ARRDC4: variants seen among roughly 807,000 people sequenced by gnomAD.
The protein encoded by ARRDC4 is arrestin domain-containing protein 4.
A neutral mutation model predicts 44.6 loss-of-function variants in ARRDC4; 40 were observed. The observed-to-expected ratio is 0.90, with a 90% CI of 0.70 to 1.17. The LOEUF (loss-of-function observed/expected upper bound fraction) is 1.17, where lower values mean the gene tolerates loss of function less well. Among genes scored for constraint, ARRDC4 ranks in the 50% most tolerant of loss-of-function variants. ARRDC4 has a pLI of 0.00. For missense variants in ARRDC4, 550 were observed against 559.1 expected, an observed-to-expected ratio of 0.98 and a Z score of 0.16; for synonymous variants, 211 against 221.2, an observed-to-expected ratio of 0.95 and a Z score of 0.41.
rs760240015 is a variant in ARRDC4 at position 97,965,228 on chromosome 15, C to T, written c.308-372C>T. Among the ~76,000 whole-genome samples, 38 of 152,050 alleles carry T rather than the reference C, an allele frequency of 2.5e-4. No individual in the cohort carries two copies. The highest frequency in any genetic ancestry group is 4.7e-4 in the Non-Finnish European group (32 of 68,012). ...GGAGAATCGTTTGAGGCCAGGAGTT[C>T]GAGACCAGCTTGGGCAATATAGCAA... On this transcript the variant is annotated intron_variant, in intron 1 of 7. Coordinates refer to ENST00000268042, the MANE Select transcript of ARRDC4 (RefSeq NM_183376.3). The surrounding 1 kb of genome is among the most constrained non-coding windows in gnomAD (Gnocchi z 5.1).
In ARRDC4 at chr15:97,968,117, G is replaced by T; in HGVS notation, c.625+1G>T. On this transcript the variant is annotated splice_donor_variant, in intron 4 of 7. Coordinates refer to ENST00000268042, the MANE Select transcript of ARRDC4 (RefSeq NM_183376.3). LOFTEE classifies it high-confidence loss of function. This position sits in a 1 kb window ranked among gnomAD's most constrained non-coding sequence, Gnocchi z 5.4. ...ATTGAAAGAAAGGGATACTGTAATG[G>T]TAAGCAAAATGCTTGAAAGTCCAAA... 1 of 1,548,594 alleles carries T rather than the reference G, an allele frequency of 6.5e-7. No individual in the cohort carries two copies. The highest frequency in any genetic ancestry group is 8.7e-7 in the Non-Finnish European group (1 of 1,146,162).
Position 97,971,263 on chromosome 15 carries a change from G to A in ARRDC4, c.*76G>A, listed in dbSNP as rs1318484103. On this transcript the variant is annotated 3_prime_UTR_variant, in exon 8 of 8. Coordinates refer to ENST00000268042, the MANE Select transcript of ARRDC4 (RefSeq NM_183376.3). The stretch of plus-strand genomic sequence containing the variant: ...TTTCCTTCTGCCTTTTTGGGAAAGA[G>A]ACAGGAAAGATTCACTTGAAAACAT... 1 of 1,360,182 alleles carries A rather than the reference G, an allele frequency of 7.4e-7. No individual in the cohort carries two copies. Among genetic ancestry groups the A allele is most frequent in the East Asian group, 2.3e-5 (1 of 43,630 alleles). The allele number at this position is 1,360,182 out of a possible 1,614,324, so 84.3% of individuals were successfully genotyped here.
rs142239479 is a variant in ARRDC4, at chr15:97,970,652, C to T, written c.1109C>T (p.Pro370Leu). ...TTCTCTAGACACATTCCTCCTTACC[C>T]TCAACCCCCTAACTGTGAGGGAGAA... ...EEFSRHIPPYPQPPNCEGEVC... is the reference protein window; with the variant it reads ...EEFSRHIPPYLQPPNCEGEVC... The change falls in exon 7 of 8, where the codon CCT becomes CTT. Residue 370 changes from proline (P) to leucine (L), a missense_variant. Coordinates refer to ENST00000268042, the MANE Select transcript of ARRDC4 (RefSeq NM_183376.3). This position sits in a 1 kb window ranked among gnomAD's most constrained non-coding sequence, Gnocchi z 4.2. 2.5e-6 allele frequency: 4 copies of T among 1,613,390 alleles called. No individual in the cohort carries two copies. In the South Asian group the frequency reaches 3.3e-5, roughly 13 times the overall value.
rs1899418961 is a variant in ARRDC4, at chr15:97,966,302, A to G, written c.522+260A>G. Among the ~76,000 whole-genome samples the G allele has an allele frequency of 6.6e-6, 1 of 152,218 alleles. No individual in the cohort carries two copies. The highest frequency in any genetic ancestry group is 6.5e-5 in the Admixed American group (1 of 15,278). ...AGGGCTTCTTTTGCCAAAAAGTTAC[A>G]CAGGCTTGAAATGCATTAATAAGGC... is the stretch of plus-strand genomic sequence containing the variant. On this transcript the variant is annotated intron_variant, in intron 3 of 7. Transcript: ENST00000268042. The surrounding 1 kb of genome is among the most constrained non-coding windows in gnomAD (Gnocchi z 4.7).
rs944971157 is a variant in ARRDC4, at chr15:97,973,447, G to A, written c.*2260G>A. On this transcript the variant is annotated 3_prime_UTR_variant, in exon 8 of 8. Coordinates refer to ENST00000268042, the MANE Select transcript of ARRDC4 (RefSeq NM_183376.3). ...AGGTTGAAGATATCATTTTATGAAT[G>A]TGGAGAATTCTACATTGAAACAGAA... 1 of 152,500 alleles carries A rather than the reference G, an allele frequency of 6.6e-6. No individual in the cohort carries two copies. The highest frequency in any genetic ancestry group is 1.5e-5 in the Non-Finnish European group (1 of 68,028). The allele number at this position is 152,500 out of a possible 1,614,324, so 9.4% of individuals were successfully genotyped here.
chr15:97,965,587 C>A lies in ARRDC4; in HGVS notation c.308-13C>A. The A allele has an allele frequency of 6.3e-7, 1 of 1,592,288 alleles. No homozygotes were observed. The highest frequency in any genetic ancestry group is 8.6e-7 in the Non-Finnish European group (1 of 1,160,700). On this transcript the variant is annotated splice_polypyrimidine_tract_variant and intron_variant, in intron 1 of 7. Coordinates refer to ENST00000268042, the MANE Select transcript of ARRDC4 (RefSeq NM_183376.3). The surrounding 1 kb of genome is among the most constrained non-coding windows in gnomAD (Gnocchi z 5.1). Reference sequence around the variant, plus strand: ...AACTATCCTTCATTAAAATAAAATACAATCTCTTATAGGTGAAGGCATCAT... The same window carrying A: ...AACTATCCTTCATTAAAATAAAATAAAATCTCTTATAGGTGAAGGCATCAT...
chr15:97,967,976 G>A lies in ARRDC4; in HGVS notation c.523-38G>A, dbSNP rs779962444. ...TAAGTTCTATGAGTTCTCTAGAGTG[G>A]CTTAATTAAGGTTGTTTTATTGTTT... On this transcript the variant is annotated intron_variant, in intron 3 of 7. Transcript: ENST00000268042. This position sits in a 1 kb window ranked among gnomAD's most constrained non-coding sequence, Gnocchi z 5.0. The A allele has an allele frequency of 5.1e-6, 7 of 1,378,130 alleles. No homozygotes were observed. The highest frequency in any genetic ancestry group is 4.4e-5 in the African/African-American group (3 of 68,252). 85.4% of individuals were successfully genotyped at this position (1,378,130 alleles called of 1,614,324 possible). A position where few individuals can be genotyped will look rare whatever the true frequency, so the allele number is the denominator to read the frequency against.
chr15:97,969,846 G>A (rs1252428547), intron 5 of ARRDC4, 37 bp from the exon 6 acceptor site: 4 of 1,491,002 alleles, frequency 2.7e-6, no homozygotes, highest in Middle Eastern at 2.5e-4. Context: ...GCTTACATTT[G>A]TTCCTTTCTC....
rs539768160 is a variant in ARRDC4, at chr15:97,960,757, G to C, written c.-105G>C. ...TCGGGTACCGCACGGCTGCCGCGGC[G>C]GCCTTACCCTGCCGCGAGCGCCTGT... On this transcript the variant is annotated 5_prime_UTR_variant, in exon 1 of 8. Transcript: ENST00000268042. The C allele has an allele frequency of 7.6e-6, 8 of 1,046,548 alleles. No individual in the cohort carries two copies. The East Asian group carries it at 2.0e-4, about 26-fold the overall frequency. The allele number at this position is 1,046,548 out of a possible 1,614,324, so 64.8% of individuals were successfully genotyped here.
chr15:97,964,644 A>T (rs781314296), intron 1 of ARRDC4, among the ~76,000 whole-genome samples: 2 of 152,104 alleles, frequency 1.3e-5, no homozygotes, highest in Non-Finnish European at 2.9e-5. Context: ...AATAAAATGG[A>T]GCTGGTAACC....
In ARRDC4 at chr15:97,970,907, AT is replaced by A. The variant is rs200850009; in HGVS notation, c.1200+171del. ...AGATTATCGCTGATTCATTTGCCAG[AT>A]TTTTTTACTATTGTCCTTGTGATCT... On this transcript the variant is annotated intron_variant, in intron 7 of 7. Coordinates refer to ENST00000268042, the MANE Select transcript of ARRDC4 (RefSeq NM_183376.3). The surrounding 1 kb of genome is among the most constrained non-coding windows in gnomAD (Gnocchi z 4.2). 6.6e-6 allele frequency among the ~76,000 whole-genome samples: 1 copy of A among 152,004 alleles called. No individual in the cohort carries two copies. The highest frequency in any genetic ancestry group is 1.5e-5 in the Non-Finnish European group (1 of 67,982).
Position 97,967,954 on chromosome 15 carries a change from G to A in ARRDC4, c.523-60G>A. On this transcript the variant is annotated intron_variant, in intron 3 of 7. Transcript: ENST00000268042. The surrounding 1 kb of genome is among the most constrained non-coding windows in gnomAD (Gnocchi z 5.0). ...TCTGTGAAGATAGATATAATTTTAA[G>A]TTCTATGAGTTCTCTAGAGTGGCTT... 9.4e-7 allele frequency: 1 copy of A among 1,062,740 alleles called. No homozygotes were observed. Among genetic ancestry groups the A allele is most frequent in the Non-Finnish European group, 1.4e-6 (1 of 734,128 alleles). The allele number at this position is 1,062,740 out of a possible 1,614,324, so 65.8% of individuals were successfully genotyped here. A position where few individuals can be genotyped will look rare whatever the true frequency, so the allele number is the denominator to read the frequency against.
At chr15:97,962,264 G>T (rs920178998) in intron 1 of ARRDC4, among the ~76,000 whole-genome samples, 1 of 152,188 alleles carries the variant, frequency 6.6e-6, no homozygotes, top group Non-Finnish European at 1.5e-5. Flanking sequence ...TCCCAAAATT[G>T]TAGTGAGGAA....
At position 97,966,016 on chromosome 15, in the gene ARRDC4, G is replaced by C. The variant is rs1453883849; in HGVS notation, c.496G>C (p.Val166Leu). 1.2e-6 allele frequency: 2 copies of C among 1,614,124 alleles called. No homozygotes were observed. Among genetic ancestry groups the C allele is most frequent in the African/African-American group, 2.7e-5 (2 of 75,030 alleles). Residue 166 changes from valine to leucine, a missense_variant, in exon 3 of 8, where the codon GTC becomes CTC. Physicochemically the swap from Val to Leu is conservative, Grantham distance 32. Coordinates refer to ENST00000268042, the MANE Select transcript of ARRDC4 (RefSeq NM_183376.3). This position sits in a 1 kb window ranked among gnomAD's most constrained non-coding sequence, Gnocchi z 4.7. ...GCGGGAACTCCAGGTTGTTAGTCATGTCGATGTCAACACACCAGCATTATT... is the reference window on the plus strand; with the variant it reads ...GCGGGAACTCCAGGTTGTTAGTCATCTCGATGTCAACACACCAGCATTATT... ...VKRELQVVSH[V>L]DVNTPALLTP...
chr15:97,960,858 C>T lies in ARRDC4; in HGVS notation c.-4C>T, dbSNP rs114245019. The T allele has an allele frequency of 4.4e-6, 6 of 1,350,640 alleles. No individual in the cohort carries two copies. In the African/African-American group the frequency reaches 4.5e-5, roughly 10 times the overall value. 83.7% of individuals were successfully genotyped at this position (1,350,640 alleles called of 1,614,324 possible). ...TCAGGGGCAGGAAAGAGTCGCCCGGCGGGATGGGCGGGGAGGCTGGGTGCG... is the reference window on the plus strand; with the variant it reads ...TCAGGGGCAGGAAAGAGTCGCCCGGTGGGATGGGCGGGGAGGCTGGGTGCG... On this transcript the variant is annotated 5_prime_UTR_variant, in exon 1 of 8. Coordinates refer to ENST00000268042, the MANE Select transcript of ARRDC4 (RefSeq NM_183376.3).
chr15:97,960,738 A>G lies in ARRDC4; in HGVS notation c.-124A>G. 1.2e-6 allele frequency: 1 copy of G among 846,240 alleles called. No homozygotes were observed. Among genetic ancestry groups the G allele is most frequent in the Non-Finnish European group, 1.6e-6 (1 of 634,688 alleles). 52.4% of individuals were successfully genotyped at this position (846,240 alleles called of 1,614,324 possible). A position where few individuals can be genotyped will look rare whatever the true frequency, so the allele number is the denominator to read the frequency against. On this transcript the variant is annotated 5_prime_UTR_variant, in exon 1 of 8. Transcript: ENST00000268042. ...TCGGCGAGCCGGTGCCCCATCGGGTACCGCACGGCTGCCGCGGCGGCCTTA... is the reference window on the plus strand; with the variant it reads ...TCGGCGAGCCGGTGCCCCATCGGGTGCCGCACGGCTGCCGCGGCGGCCTTA...
Position 97,970,516 on chromosome 15 carries a change from G to A in ARRDC4, c.1046-73G>A. On this transcript the variant is annotated intron_variant, in intron 6 of 7. Coordinates refer to ENST00000268042, the MANE Select transcript of ARRDC4 (RefSeq NM_183376.3). The surrounding 1 kb of genome is among the most constrained non-coding windows in gnomAD (Gnocchi z 4.2). ...TTATCTTCAAGTTTAGCTGTTTCTT[G>A]TTTTTGTAGCAGTTAAGAATCGAGA... 2.0e-6 allele frequency: 3 copies of A among 1,473,216 alleles called. No homozygotes were observed. The highest frequency in any genetic ancestry group is 2.0e-4 in the Middle Eastern group (1 of 5,116). The allele number at this position is 1,473,216 out of a possible 1,614,324, so 91.3% of individuals were successfully genotyped here. A position where few individuals can be genotyped will look rare whatever the true frequency, so the allele number is the denominator to read the frequency against.
In ARRDC4 at chr15:97,971,331, G is replaced by A. The variant is rs1193924023; in HGVS notation, c.*144G>A. ...GAAGGCAATAGAAATTAAAGAATGTGAGAAAGTTCTGGTGGGCCGGCAGGA... is the reference window on the plus strand; with the variant it reads ...GAAGGCAATAGAAATTAAAGAATGTAAGAAAGTTCTGGTGGGCCGGCAGGA... On this transcript the variant is annotated 3_prime_UTR_variant, in exon 8 of 8. Coordinates refer to ENST00000268042, the MANE Select transcript of ARRDC4 (RefSeq NM_183376.3). The A allele has an allele frequency of 1.2e-6, 1 of 833,924 alleles. No individual in the cohort carries two copies. The highest frequency in any genetic ancestry group is 2.6e-5 in the Admixed American group (1 of 39,170). The allele number at this position is 833,924 out of a possible 1,614,324, so 51.7% of individuals were successfully genotyped here. A position where few individuals can be genotyped will look rare whatever the true frequency, so the allele number is the denominator to read the frequency against.
At chr15:97,963,299 T>C (rs897519148) in intron 1 of ARRDC4, among the ~76,000 whole-genome samples, 10 of 152,232 alleles carry the variant, frequency 6.6e-5, no homozygotes, top group Non-Finnish European at 1.2e-4. Flanking sequence ...GTTCAGCTTG[T>C]GAACCTTTTA....
Sources: gnomAD v4.1 joint callset for allele counts (sites outside exome capture counted in the v4.1 genomes callset) on GRCh38, gnomAD v4.1.1 for gene constraint, Gnocchi (gnomAD v3.1) non-coding constraint, MANE v1.5 for transcripts, NCBI Gene and HGNC (gene_info 2026-07-23, HGNC 2026-07-21) for gene names.